The following SFI1 variants were observed in gnomAD, a reference collection of about 807,000 sequenced individuals.
The protein encoded by SFI1 is SFI1 centrin binding protein.
A neutral mutation model predicts 207.5 loss-of-function variants in SFI1; 195 were observed. The ratio of observed to expected loss-of-function variants is 0.94; its 90% confidence interval spans 0.84 to 1.06. The LOEUF is 1.06. Among genes scored for constraint, SFI1 ranks in the 50% least tolerant of loss-of-function variants. SFI1 has a pLI of 0.00. For missense variants in SFI1, 1,634 were observed against 1,588.0 expected, an observed-to-expected ratio of 1.03 and a Z score of -0.49; for synonymous variants, 630 against 598.9, an observed-to-expected ratio of 1.05 and a Z score of -0.76.
intron 2 of SFI1, among the ~76,000 whole-genome samples, chr22:31,511,395 A>G (rs1391647692): frequency 6.7e-6 from 1 of 150,040 alleles, no homozygotes; most frequent in Admixed American, 6.7e-5. Flanking sequence ...GCTTTATTTC[A>G]TCTTCTCAAG....
At chr22:31,548,920 A>G (rs117815165) in intron 5 of SFI1, among the ~76,000 whole-genome samples, 2 of 152,214 alleles carry the variant, frequency 1.3e-5, no homozygotes, top group East Asian at 3.9e-4. Flanking sequence ...GAAGAAGGAA[A>G]AGGTGTCAAT....
intron 11 of SFI1, among the ~76,000 whole-genome samples, chr22:31,578,749 T>A (rs1279718082): frequency 6.6e-6 from 1 of 152,082 alleles, no homozygotes; most frequent in Non-Finnish European, 1.5e-5. Context: ...ATAAAATAGG[T>A]CAAAGTAGCC....
chr22:31,523,004 T>A (rs1295092885), intron 2 of SFI1, among the ~76,000 whole-genome samples: 1 of 152,202 alleles, frequency 6.6e-6, no homozygotes, highest in African/African-American at 2.4e-5. Flanking sequence ...GTACGCCATT[T>A]TTTAAATCCA....
chr22:31,551,409 T>C (rs2148017467), intron 6 of SFI1, among the ~76,000 whole-genome samples: 1 of 152,312 alleles, frequency 6.6e-6, no homozygotes, highest in East Asian at 1.9e-4. Context: ...CAGTGATCTT[T>C]CCCCTGTCTG....
intron 6 of SFI1, among the ~76,000 whole-genome samples, chr22:31,554,156 TC>T (rs1266284862): frequency 6.6e-6 from 1 of 151,942 alleles, no homozygotes; most frequent in Non-Finnish European, 1.5e-5. Flanking sequence ...TTTTTTCATA[TC>T]CTATCTTAGA....
chr22:31,588,552 T>G (rs1353981676), intron 14 of SFI1, among the ~76,000 whole-genome samples: 2 of 152,176 alleles, frequency 1.3e-5, no homozygotes, highest in Non-Finnish European at 2.9e-5. Flanking sequence ...CGGTGGCTCA[T>G]GCCTGTAATC....
chr22:31,541,552 A>G (rs1330965688), intron 4 of SFI1, among the ~76,000 whole-genome samples: 2 of 151,416 alleles, frequency 1.3e-5, no homozygotes, highest in Non-Finnish European at 2.9e-5. Flanking sequence ...TCAAGAGTTC[A>G]AGACCAGCCT....
intron 3 of SFI1, among the ~76,000 whole-genome samples, chr22:31,529,836 A>G (rs2058292579): frequency 6.6e-6 from 1 of 152,080 alleles, no homozygotes; most frequent in African/African-American, 2.4e-5. Flanking sequence ...GGGCAGGAGA[A>G]GGTGTGTTTT....
At chr22:31,578,252 G>C (rs944419758) in intron 10 of SFI1, 130 bp from the exon 11 acceptor site, 1 of 701,334 alleles carries the variant, frequency 1.4e-6, no homozygotes, top group South Asian at 3.1e-5. Context: ...GGAGTAGACA[G>C]AGGTGGACCT....
chr22:31,525,961 A>G (rs1171443445), intron 2 of SFI1, among the ~76,000 whole-genome samples: 4 of 152,144 alleles, frequency 2.6e-5, no homozygotes, highest in East Asian at 3.9e-4. Flanking sequence ...GTCCTATACA[A>G]TTTTTAAGAT....
intron 24 of SFI1, 150 bp downstream of exon 24, chr22:31,611,990 C>G: frequency 7.0e-7 from 1 of 1,428,430 alleles, no homozygotes; most frequent in Non-Finnish European, 9.2e-7. Context: ...ACCTTCCTGT[C>G]ATTTCCAGGC....
In SFI1 at chr22:31,616,796, C is replaced by G. The variant is rs1196134526; in HGVS notation, c.3352C>G (p.Leu1118Val). ...PRDKPPVPSSLASVPDPHLLL... is the reference protein window; with the variant it reads ...PRDKPPVPSSVASVPDPHLLL... ...GGATAAGCCCCCGGTCCCCTCATCC[C>G]TGGCCAGTGTCCCTGACCCCCATCT... Residue 1118 changes from leucine to valine, a missense_variant, in exon 30 of 33, where the codon CTG (leucine) becomes GTG (valine). Transcript: ENST00000400288. The G allele has an allele frequency of 6.2e-7, 1 of 1,610,808 alleles. No individual in the cohort carries two copies. Among genetic ancestry groups the G allele is most frequent in the Non-Finnish European group, 8.5e-7 (1 of 1,178,398 alleles).
In SFI1 at chr22:31,561,303, A is replaced by C. The variant is rs1376591654; in HGVS notation, c.676A>C (p.Thr226Pro). 2 of 1,614,000 alleles carry C rather than the reference A, an allele frequency of 1.2e-6. No individual in the cohort carries two copies. The highest frequency in any genetic ancestry group is 3.3e-5 in the Admixed American group (2 of 59,998). ...QRIILRVWWS[T>P]WRQRLGQVRV... is the part of the protein sequence containing the mutation. Reference sequence around the variant, plus strand: ...GCTGTTTCACAGGGTGTGGTGGAGCACGTGGAGGCAGCGACTAGGACAGGT... The same window carrying C: ...GCTGTTTCACAGGGTGTGGTGGAGCCCGTGGAGGCAGCGACTAGGACAGGT... Residue 226 changes from threonine (T) to proline (P), a missense_variant, in exon 8 of 33, where the codon ACG becomes CCG. Thr to Pro is a conservative substitution (Grantham distance 38, BLOSUM62 -1). Coordinates refer to ENST00000400288, the MANE Select transcript of SFI1 (RefSeq NM_001007467.3).
Position 31,525,660 on chromosome 22 carries a change from T to C in SFI1, c.93-3030T>C, listed in dbSNP as rs185944443. On this transcript the variant is annotated intron_variant, in intron 2 of 32. Transcript: ENST00000400288. ...TGAATCTGGGAGGTCAAGGATGCAG[T>C]GAGCCGTGATTGCATCACTGTATTC... Among the ~76,000 whole-genome samples, 411 of 152,226 alleles carry C rather than the reference T, an allele frequency of 2.7e-3. 1 individual carries two copies. Among genetic ancestry groups the C allele is most frequent in the Non-Finnish European group, 3.9e-3 (268 of 68,004 alleles).
intron 3 of SFI1, among the ~76,000 whole-genome samples, chr22:31,529,976 C>G (rs2058310130): frequency 6.6e-6 from 1 of 150,476 alleles, no homozygotes; most frequent in Admixed American, 6.6e-5. Context: ...CGAGACCATC[C>G]TGGCTAACAC....
intron 6 of SFI1, among the ~76,000 whole-genome samples, chr22:31,551,984 G>A (rs1039605416): frequency 2.0e-5 from 3 of 152,160 alleles, no homozygotes; most frequent in African/African-American, 7.2e-5. Context: ...AATAGTGAAC[G>A]TTGTACATGA....
At chr22:31,507,069 C>T (rs2054749744) in intron 1 of SFI1, among the ~76,000 whole-genome samples, 1 of 152,272 alleles carries the variant, frequency 6.6e-6, no homozygotes. Flanking sequence ...GCAAAAAGAA[C>T]AAAGCTGCAG....
chr22:31,603,679 G>A, intron 17 of SFI1, 65 bp from the exon 18 acceptor site: 1 of 1,334,618 alleles, frequency 7.5e-7, no homozygotes, highest in Non-Finnish European at 9.9e-7. Flanking sequence ...CTATGAGGAG[G>A]AACCCATAGA....
chr22:31,612,398 A>AAAAAAAAAATATATATATAT (rs1556369798), intron 24 of SFI1: 1 of 60,194 alleles, frequency 1.7e-5, no homozygotes, highest in African/African-American at 6.7e-5. Flanking sequence ...AAAAAAAAAA[A>AAAAAAAAAATATATATATAT]ATATATATAT....
Sources: allele counts gnomAD v4.1 joint callset (sites outside exome capture counted in the v4.1 genomes callset), GRCh38; gene constraint gnomAD v4.1.1; transcripts MANE v1.5; gene names NCBI Gene and HGNC (gene_info 2026-07-23, HGNC 2026-07-21).